Variants in SZRD1 observed in about 807,000 individuals in gnomAD.
The protein encoded by SZRD1 is SUZ RNA binding domain containing 1, also known as SUZ RNA-binding domain-containing.
Under a neutral mutation model 17.6 loss-of-function variants are expected in SZRD1, and 7 were observed. The observed-to-expected ratio is 0.40, with a 90% CI of 0.23 to 0.75. The LOEUF (loss-of-function observed/expected upper bound fraction) is 0.75. Ranked by LOEUF, SZRD1 falls within the 30% of genes least tolerant of loss-of-function variation. The pLI is 0.38. For missense variants in SZRD1, 178 were observed against 201.8 expected (o/e 0.88, Z 0.71); for synonymous variants, 77 against 77.9 (o/e 0.99, Z 0.06).
At position 16,391,522 on chromosome 1, in the gene SZRD1, C is replaced by T. The variant is rs1012794371; in HGVS notation, c.101+98C>T. On this transcript the variant is annotated intron_variant, in intron 2 of 3. Transcript: ENST00000401088. This position sits in a 1 kb window ranked among gnomAD's most constrained non-coding sequence, Gnocchi z 4.3. Reference sequence around the variant, plus strand: ...AGCTGGCCATTAGGATTAGCAGGTCCTAGCAGGTCAGGCTCTGGGGCAGCA... The same window carrying T: ...AGCTGGCCATTAGGATTAGCAGGTCTTAGCAGGTCAGGCTCTGGGGCAGCA... 2.8e-6 allele frequency: 3 copies of T among 1,058,142 alleles called. No homozygotes were observed. Among genetic ancestry groups the T allele is most frequent in the Non-Finnish European group, 4.2e-6 (3 of 714,016 alleles). 65.5% of individuals were successfully genotyped at this position (1,058,142 alleles called of 1,614,324 possible).
In SZRD1 at chr1:16,373,153, G is replaced by A. The variant is rs191813609; in HGVS notation, c.51+5845G>A. On this transcript the variant is annotated intron_variant, in intron 1 of 3. Coordinates refer to ENST00000401088, the MANE Select transcript of SZRD1 (RefSeq NM_001114600.3). ...GAGATGAGACCACAGAGGTATGTAG[G>A]GGCCAGATTGGGAAAGGCTTCCTTG... 2.7e-3 allele frequency among the ~76,000 whole-genome samples: 404 copies of A among 152,132 alleles called. 1 individual carries two copies. Among genetic ancestry groups the A allele is most frequent in the African/African-American group, 8.9e-3 (369 of 41,474 alleles).
intron 1 of SZRD1, among the ~76,000 whole-genome samples, chr1:16,376,642 C>A (rs890455734): frequency 6.6e-6 from 1 of 151,712 alleles, no homozygotes; most frequent in African/African-American, 2.4e-5. Flanking sequence ...CTTGTCTCTA[C>A]TGAAAATACA....
At chr1:16,383,074 C>T (rs1173092250) in intron 1 of SZRD1, among the ~76,000 whole-genome samples, 1 of 151,740 alleles carries the variant, frequency 6.6e-6, no homozygotes, top group Non-Finnish European at 1.5e-5. Context: ...CCATATTGCT[C>T]AGGCTGGTCT....
At chr1:16,377,281 A>G (rs1442965222) in intron 1 of SZRD1, among the ~76,000 whole-genome samples, 1 of 151,928 alleles carries the variant, frequency 6.6e-6, no homozygotes, top group Admixed American at 6.6e-5. Context: ...TTGGGAGAGG[A>G]GCCTTGCAGT....
intron 1 of SZRD1, chr1:16,367,677 G>A: frequency 3.7e-6 from 1 of 269,964 alleles, no homozygotes; most frequent in Non-Finnish European, 7.1e-6. Flanking sequence ...CTTGTGCTCT[G>A]ACCGGGACGG....
intron 1 of SZRD1, among the ~76,000 whole-genome samples, chr1:16,380,908 C>T (rs2083089602): frequency 6.6e-6 from 1 of 150,592 alleles, no homozygotes; most frequent in Admixed American, 6.7e-5. Context: ...CACCCAGCCC[C>T]TCATCTTTTT....
At chr1:16,380,121 A>G (rs948487938) in intron 1 of SZRD1, among the ~76,000 whole-genome samples, 4 of 152,198 alleles carry the variant, frequency 2.6e-5, no homozygotes, top group African/African-American at 9.7e-5. Flanking sequence ...CACTCAGTAA[A>G]GAAAAGTAAA....
chr1:16,391,338 A>AT lies in SZRD1; in HGVS notation c.52-31dup, dbSNP rs972202992. 1.2e-5 allele frequency: 17 copies of AT among 1,451,228 alleles called. No homozygotes were observed. Among genetic ancestry groups the AT allele is most frequent in the African/African-American group, 2.8e-5 (2 of 70,570 alleles). The allele number at this position is 1,451,228 out of a possible 1,614,324, so 89.9% of individuals were successfully genotyped here. The stretch of plus-strand genomic sequence containing the variant: ...AAGACTAAGTTTTTATTTGAGAGAG[A>AT]TTTTTTCCTCTTTTTATATACATTT... On this transcript the variant is annotated intron_variant, in intron 1 of 3. Transcript: ENST00000401088. This position sits in a 1 kb window ranked among gnomAD's most constrained non-coding sequence, Gnocchi z 4.3.
At chr1:16,376,239 A>G (rs897876988) in intron 1 of SZRD1, among the ~76,000 whole-genome samples, 3 of 152,154 alleles carry the variant, frequency 2.0e-5, no homozygotes, top group African/African-American at 4.8e-5. Context: ...TCACCAGATA[A>G]TTAACTAGTT....
chr1:16,392,727 G>C (rs377764810), intron 2 of SZRD1, among the ~76,000 whole-genome samples: 1 of 152,124 alleles, frequency 6.6e-6, no homozygotes, highest in Non-Finnish European at 1.5e-5. Context: ...CAGGGATGGC[G>C]TAGTGGGCTC....
In SZRD1 at chr1:16,395,228, G is replaced by A. The variant is rs760753333; in HGVS notation, c.*88G>A. 24 of 909,280 alleles carry A rather than the reference G, an allele frequency of 2.6e-5. No homozygotes were observed. In the Admixed American group the frequency reaches 4.3e-4, roughly 16 times the overall value. The allele number at this position is 909,280 out of a possible 1,614,324, so 56.3% of individuals were successfully genotyped here. A position where few individuals can be genotyped will look rare whatever the true frequency, so the allele number is the denominator to read the frequency against. On this transcript the variant is annotated 3_prime_UTR_variant, in exon 4 of 4. Transcript: ENST00000401088. ...GTTGCACTGCCGTGGCAGACAGCTG[G>A]ACTTGAGCAGAGGGAACGACCTGAC...
Position 16,367,265 on chromosome 1 carries a change from A to G in SZRD1, c.8A>G (p.Asp3Gly). Residue 3 changes from aspartate to glycine, a missense_variant, in exon 1 of 4, where the codon GAT becomes GGT. By Grantham distance (94) the Asp-to-Gly change is moderately conservative. This residue lies in a region of SZRD1 where 117 missense variants were observed against 108.7 expected (regional missense o/e 1.08). Coordinates refer to ENST00000401088, the MANE Select transcript of SZRD1 (RefSeq NM_001114600.3). ...GGGAAAGCGGCGAGTAAGATGGAAGATGAGGAGGTCGCTGAGAGCTGGGAA... is the reference window on the plus strand; with the variant it reads ...GGGAAAGCGGCGAGTAAGATGGAAGGTGAGGAGGTCGCTGAGAGCTGGGAA... ME[D>G]EEVAESWEEA... 3 of 1,548,650 alleles carry G rather than the reference A, an allele frequency of 1.9e-6. No individual in the cohort carries two copies. Among genetic ancestry groups the G allele is most frequent in the Non-Finnish European group, 2.6e-6 (3 of 1,146,522 alleles).
In SZRD1 at chr1:16,393,487, G is replaced by A. The variant is rs1286540840; in HGVS notation, c.356+5G>A. The stretch of plus-strand genomic sequence containing the variant: ...GGAGAAACCCATCCTCGACAGGTGA[G>A]TGTGGCTGGCAGGGCCGGCCAGTGA... On this transcript the variant is annotated splice_donor_5th_base_variant and intron_variant, in intron 3 of 3. Transcript: ENST00000401088. This position sits in a 1 kb window ranked among gnomAD's most constrained non-coding sequence, Gnocchi z 5.6. 1.2e-6 allele frequency: 2 copies of A among 1,605,768 alleles called. No homozygotes were observed. Among genetic ancestry groups the A allele is most frequent in the Middle Eastern group, 1.7e-4 (1 of 6,054 alleles).
intron 1 of SZRD1, 116 bp downstream of exon 1, chr1:16,367,424 G>T (rs1230696316): frequency 9.8e-7 from 1 of 1,022,560 alleles, no homozygotes; most frequent in Non-Finnish European, 1.4e-6. Flanking sequence ...ACGCCGGGCT[G>T]GGGGTGGTGG....
At chr1:16,368,177 C>T (rs1339840432) in intron 1 of SZRD1, among the ~76,000 whole-genome samples, 2 of 152,186 alleles carry the variant, frequency 1.3e-5, no homozygotes, top group African/African-American at 4.8e-5. Context: ...TTGGTCTTTT[C>T]AGAGTTTGTC....
In SZRD1 at chr1:16,367,324, C is replaced by G. The variant is rs746045736; in HGVS notation, c.51+16C>G. 4.5e-6 allele frequency: 7 copies of G among 1,547,358 alleles called. No homozygotes were observed. Among genetic ancestry groups the G allele is most frequent in the Non-Finnish European group, 6.1e-6 (7 of 1,145,652 alleles). On this transcript the variant is annotated intron_variant, in intron 1 of 3. Coordinates refer to ENST00000401088, the MANE Select transcript of SZRD1 (RefSeq NM_001114600.3). ...AGACAGCGGGGTAAGGAGGAGCCGC[C>G]GTCCCATGGCAGGGCCGGGCGAGAC... is the stretch of plus-strand genomic sequence containing the variant.
intron 1 of SZRD1, among the ~76,000 whole-genome samples, chr1:16,370,374 A>G (rs1347661506): frequency 6.6e-6 from 1 of 151,570 alleles, no homozygotes; most frequent in Non-Finnish European, 1.5e-5. Context: ...TACAAGGCGC[A>G]TGCTACCACG....
At chr1:16,373,468 A>AC (rs71003278) in intron 1 of SZRD1, among the ~76,000 whole-genome samples, 49,443 of 149,816 alleles carry the variant, frequency 0.33, 9,566 homozygotes, top group East Asian at 0.68. Context: ...AATCCCAGCT[A>AC]CTCGGGAGGC....
intron 1 of SZRD1, among the ~76,000 whole-genome samples, chr1:16,383,898 G>A (rs1307523449): frequency 6.6e-6 from 1 of 152,210 alleles, no homozygotes; most frequent in Non-Finnish European, 1.5e-5. Flanking sequence ...GATTACAGGC[G>A]TGAGCCACCG....
Sources: gnomAD v4.1 joint callset for allele counts (sites outside exome capture counted in the v4.1 genomes callset) on GRCh38, gnomAD v4.1.1 for gene constraint, gnomAD v4.1.1 regional missense constraint, Gnocchi (gnomAD v3.1) non-coding constraint, MANE v1.5 for transcripts, NCBI Gene and HGNC (gene_info 2026-07-23, HGNC 2026-07-21) for gene names.